CTNNA3: variants seen among roughly 807,000 people sequenced by gnomAD.
CTNNA3 encodes the protein catenin alpha-3.
In CTNNA3, 76 loss-of-function variants were observed where a neutral mutation model predicts 95.7. The ratio of observed to expected loss-of-function variants is 0.79; its 90% CI spans 0.66 to 0.96. The LOEUF is 0.96. CTNNA3 is among the 40% of genes least tolerant of loss of function. The pLI, the probability that CTNNA3 is intolerant of heterozygous loss-of-function variation, is 0.00. For synonymous variants in CTNNA3, 431 were observed against 374.4 expected, an observed-to-expected ratio of 1.15 and a Z score of -1.74; for missense variants, 1,191 against 1,089.8, an observed-to-expected ratio of 1.09 and a Z score of -1.31.
chr10:66,415,118 A>G (rs2093136178), intron 11 of CTNNA3, among the ~76,000 whole-genome samples: 1 of 152,068 alleles, frequency 6.6e-6, no homozygotes, highest in South Asian at 2.1e-4. Context: ...GCATTCCACA[A>G]TGACTTGGGG....
At position 67,333,618 on chromosome 10, in the gene CTNNA3, C is replaced by A. The variant is rs116286446; in HGVS notation, c.580-113748G>T. ...ATTAGAAAATTGAATAAGGCTGATT[C>A]TAAAAAGGCATGGAAATTTCATACC... On this transcript the variant is annotated intron_variant, in intron 5 of 17. Transcript: ENST00000433211. Among the ~76,000 whole-genome samples, 1,003 of 152,238 alleles carry A rather than the reference C, an allele frequency of 6.6e-3. 4 individuals are homozygous for A. Among genetic ancestry groups the A allele is most frequent in the Middle Eastern group, 0.037 (11 of 294 alleles).
At chr10:66,537,183 A>G (rs1449404809) in intron 10 of CTNNA3, among the ~76,000 whole-genome samples, 1 of 152,208 alleles carries the variant, frequency 6.6e-6, no homozygotes, top group Non-Finnish European at 1.5e-5. Context: ...TATAAAAACA[A>G]GTTTGCAGCA....
chr10:66,361,506 C>T (rs2092675217), intron 12 of CTNNA3, among the ~76,000 whole-genome samples: 1 of 149,428 alleles, frequency 6.7e-6, no homozygotes, highest in South Asian at 2.1e-4. Context: ...CTCTCTCCTT[C>T]TTTCCCTCTC....
At chr10:67,531,243 C>A (rs1023218007) in intron 4 of CTNNA3, among the ~76,000 whole-genome samples, 1 of 152,148 alleles carries the variant, frequency 6.6e-6, no homozygotes. Context: ...AGAATGATAG[C>A]TCCACTGACA....
intron 7 of CTNNA3, chr10:67,054,768 G>C (rs560344792): frequency 5.6e-4 from 85 of 152,178 alleles, no homozygotes; most frequent in African/African-American, 2.0e-3. Flanking sequence ...TTTGGGGAGA[G>C]ATCTTATCTC....
At chr10:66,449,161 T>A (rs574862547) in intron 11 of CTNNA3, among the ~76,000 whole-genome samples, 2 of 151,810 alleles carry the variant, frequency 1.3e-5, no homozygotes, top group Non-Finnish European at 2.9e-5. Context: ...GAGGAAAAAA[T>A]GCCGAGCAAA....
intron 12 of CTNNA3, among the ~76,000 whole-genome samples, chr10:66,347,684 T>A (rs2132380112): frequency 6.6e-6 from 1 of 151,688 alleles, no homozygotes; most frequent in Non-Finnish European, 1.5e-5. Flanking sequence ...TTAAAAAAAG[T>A]TAACAAATGG....
chr10:67,005,682 C>CTTTTT lies in CTNNA3; in HGVS notation c.1047+174630_1047+174634dup, dbSNP rs11369576. Reference sequence around the variant, plus strand: ...AATGCTTTTGTTTATTTTACTCCATCTTTTTTTTTTTTTTTTTTTTTGAGA... The same window carrying CTTTTT: ...AATGCTTTTGTTTATTTTACTCCATCTTTTTTTTTTTTTTTTTTTTTTTTTTGAGA... On this transcript the variant is annotated intron_variant, in intron 7 of 17. Coordinates refer to ENST00000433211, the MANE Select transcript of CTNNA3 (RefSeq NM_013266.4). Among the ~76,000 whole-genome samples, 5 of 61,982 alleles carry CTTTTT rather than the reference C, an allele frequency of 8.1e-5. 1 individual carries two copies. The highest frequency in any genetic ancestry group is 6.6e-4 in the Admixed American group (2 of 3,052). 40.7% of individuals were successfully genotyped at this position (61,982 alleles called of 152,430 possible).
chr10:67,289,800 T>C (rs537111831), intron 5 of CTNNA3, among the ~76,000 whole-genome samples: 1 of 147,086 alleles, frequency 6.8e-6, no homozygotes, highest in Non-Finnish European at 1.5e-5. Flanking sequence ...GGATGGTTGA[T>C]GGATGGATTT....
intron 1 of CTNNA3, among the ~76,000 whole-genome samples, chr10:67,720,967 T>A (rs148101069): frequency 6.6e-4 from 101 of 152,180 alleles, no homozygotes; most frequent in African/African-American, 2.4e-3. Context: ...AAAAAAAATG[T>A]TGAATATTGG....
chr10:66,773,892 C>T (rs1840192062), intron 8 of CTNNA3, among the ~76,000 whole-genome samples: 2 of 152,076 alleles, frequency 1.3e-5, no homozygotes, highest in African/African-American at 4.8e-5. Context: ...ACAAGATGCT[C>T]GGTTACATTT....
intron 9 of CTNNA3, among the ~76,000 whole-genome samples, chr10:66,670,476 A>G (rs1201050810): frequency 6.6e-6 from 1 of 152,130 alleles, no homozygotes; most frequent in African/African-American, 2.4e-5. Context: ...TCCTTGGCTC[A>G]GCGTCCCCTT....
At position 66,042,925 on chromosome 10, in the gene CTNNA3, A is replaced by T. The variant is rs868108543; in HGVS notation, c.2159+26383T>A. On this transcript the variant is annotated intron_variant, in intron 15 of 17. Transcript: ENST00000433211. ...AAAAAAAAAAAAAAAAAAAAAAAAAAAAAAGAAAATAAAAATAATGAGAAT... is the reference window on the plus strand; with the variant it reads ...AAAAAAAAAAAAAAAAAAAAAAAAATAAAAGAAAATAAAAATAATGAGAAT... 1.6e-3 allele frequency among the ~76,000 whole-genome samples: 230 copies of T among 144,296 alleles called. 3 individuals carry two copies. Among genetic ancestry groups the T allele is most frequent in the Middle Eastern group, 3.4e-3 (1 of 290 alleles). The allele number at this position is 144,296 out of a possible 152,430, so 94.7% of individuals were successfully genotyped here.
At chr10:67,435,284 T>C (rs1443022705) in intron 5 of CTNNA3, among the ~76,000 whole-genome samples, 3 of 151,962 alleles carry the variant, frequency 2.0e-5, no homozygotes, top group African/African-American at 7.2e-5. Flanking sequence ...CAAACATCCA[T>C]ACATCCGCTT....
At chr10:66,826,959 G>A (rs1842537297) in intron 7 of CTNNA3, among the ~76,000 whole-genome samples, 1 of 152,172 alleles carries the variant, frequency 6.6e-6, no homozygotes, top group African/African-American at 2.4e-5. Flanking sequence ...CATGACTTGT[G>A]TGGCTGTACT....
intron 13 of CTNNA3, among the ~76,000 whole-genome samples, chr10:66,134,477 G>A (rs893070009): frequency 7.9e-5 from 12 of 152,084 alleles, no homozygotes; most frequent in Admixed American, 7.2e-4. Context: ...AAAATAAGAT[G>A]AGGAAGATTT....
At chr10:66,624,276 G>C (rs954142632) in intron 9 of CTNNA3, among the ~76,000 whole-genome samples, 4 of 152,094 alleles carry the variant, frequency 2.6e-5, no homozygotes, top group African/African-American at 9.7e-5. Flanking sequence ...GTATGATAAT[G>C]ATGACCTCAC....
intron 5 of CTNNA3, among the ~76,000 whole-genome samples, chr10:67,359,498 T>A (rs1809161238): frequency 6.6e-6 from 1 of 152,076 alleles, no homozygotes; most frequent in African/African-American, 2.4e-5. Context: ...TAAAACGATC[T>A]AAGAGTTGAA....
intron 5 of CTNNA3, among the ~76,000 whole-genome samples, chr10:67,339,742 A>T (rs1358792780): frequency 2.6e-5 from 4 of 152,210 alleles, no homozygotes; most frequent in Admixed American, 1.3e-4. Context: ...ATTAAAAGTG[A>T]GTGCTCTTAC....
Sources: allele counts gnomAD v4.1 joint callset (sites outside exome capture counted in the v4.1 genomes callset), GRCh38; gene constraint gnomAD v4.1.1; transcripts MANE v1.5; gene names NCBI Gene and HGNC (gene_info 2026-07-23, HGNC 2026-07-21).